Variants in ADAM32 observed in about 807,000 individuals in gnomAD.
ADAM32 encodes disintegrin and metalloproteinase domain-containing protein 32.
A neutral mutation model predicts 114.9 loss-of-function variants in ADAM32; 89 were observed. The ratio of observed to expected loss-of-function variants is 0.77; its 90% CI spans 0.65 to 0.92. The LOEUF is 0.92. Ranked by LOEUF, ADAM32 falls within the 40% of genes least tolerant of loss-of-function variation. ADAM32 has a pLI of 0.00. For missense variants in ADAM32, 870 were observed against 932.8 expected, an observed-to-expected ratio of 0.93 and a Z score of 0.88; for synonymous variants, 285 against 307.5, an observed-to-expected ratio of 0.93 and a Z score of 0.77.
chr8:39,276,167 AT>A (rs1346607604), intron 22 of ADAM32: 2 of 275,562 alleles, frequency 7.3e-6, no homozygotes, highest in Non-Finnish European at 1.3e-5. Context: ...ATCTTTTTGT[AT>A]TCTTTTTCTT....
chr8:39,226,407 G>T (rs570640169), intron 14 of ADAM32, among the ~76,000 whole-genome samples: 1 of 152,062 alleles, frequency 6.6e-6, no homozygotes, highest in East Asian at 1.9e-4. Flanking sequence ...CCTTCAGTCA[G>T]GTTTAATCCA....
intron 3 of ADAM32, among the ~76,000 whole-genome samples, chr8:39,141,121 T>G (rs1286535836): frequency 6.6e-6 from 1 of 152,208 alleles, no homozygotes; most frequent in African/African-American, 2.4e-5. Flanking sequence ...ATCAATTTTG[T>G]TGATCTTTTC....
intron 22 of ADAM32, 54 bp from the exon 23 acceptor site, chr8:39,281,082 A>G: frequency 2.0e-6 from 2 of 982,324 alleles, no homozygotes; most frequent in Non-Finnish European, 2.7e-6. Flanking sequence ...GCGCCTGGCC[A>G]ATTTATTTTT....
chr8:39,274,990 T>C (rs763380469), intron 21 of ADAM32, among the ~76,000 whole-genome samples: 1 of 152,224 alleles, frequency 6.6e-6, no homozygotes, highest in Non-Finnish European at 1.5e-5. Context: ...CTCCTGTTTC[T>C]CTGTGTGATG....
chr8:39,119,817 C>A (rs4236754), intron 2 of ADAM32, among the ~76,000 whole-genome samples: 72,992 of 151,898 alleles, frequency 0.48, 18,499 homozygotes, highest in South Asian at 0.56. Flanking sequence ...GAATCCCTAA[C>A]CCCTAATGTG....
chr8:39,136,047 TTTTTTCTCTG>T (rs1443442314), intron 2 of ADAM32, among the ~76,000 whole-genome samples: 2 of 152,222 alleles, frequency 1.3e-5, no homozygotes, highest in African/African-American at 4.8e-5. Context: ...TTTTAACTAA[TTTTTTCTCTG>T]TTTCTCTACC....
intron 17 of ADAM32, among the ~76,000 whole-genome samples, chr8:39,249,716 T>C (rs1342431411): frequency 6.6e-6 from 1 of 152,218 alleles, no homozygotes; most frequent in African/African-American, 2.4e-5. Context: ...CTAATACTAT[T>C]CTTTTTATGT....
intron 18 of ADAM32, among the ~76,000 whole-genome samples, chr8:39,254,901 T>A (rs1469352903): frequency 2.6e-5 from 4 of 151,804 alleles, no homozygotes; most frequent in African/African-American, 4.8e-5. Flanking sequence ...GTCCATTGTA[T>A]CATTCTTATG....
chr8:39,160,457 G>A (rs910581447), intron 6 of ADAM32, among the ~76,000 whole-genome samples: 1 of 150,254 alleles, frequency 6.7e-6, no homozygotes, highest in African/African-American at 2.5e-5. Flanking sequence ...GGAGAATGGC[G>A]TGAACCAAGG....
chr8:39,107,720 C>G, upstream of ADAM32: 1 of 1,549,782 alleles, frequency 6.5e-7, no homozygotes, highest in Non-Finnish European at 8.7e-7. Context: ...GTCCCCGCGT[C>G]CCTGGCAATT....
intron 10 of ADAM32, among the ~76,000 whole-genome samples, chr8:39,178,927 G>A (rs1364037968): frequency 6.6e-6 from 1 of 152,054 alleles, no homozygotes; most frequent in Admixed American, 6.6e-5. Flanking sequence ...ATCCCAGGAG[G>A]GCACTGACCT....
chr8:39,121,585 A>T (rs566312285), intron 2 of ADAM32, among the ~76,000 whole-genome samples: 1 of 152,326 alleles, frequency 6.6e-6, no homozygotes, highest in South Asian at 2.1e-4. Flanking sequence ...TGTACTCCAG[A>T]ACTTGAAGTA....
At chr8:39,230,890 T>A (rs1809694941) in intron 14 of ADAM32, among the ~76,000 whole-genome samples, 1 of 152,188 alleles carries the variant, frequency 6.6e-6, no homozygotes, top group Non-Finnish European at 1.5e-5. Flanking sequence ...GACATATATA[T>A]TATTATCTAC....
chr8:39,208,885 CTCT>C (rs1271989951), intron 11 of ADAM32, among the ~76,000 whole-genome samples: 3 of 152,112 alleles, frequency 2.0e-5, no homozygotes, highest in Admixed American at 1.3e-4. Context: ...TTTCGGTTGA[CTCT>C]TCTTGGTGAT....
chr8:39,193,732 G>A (rs1002922839), intron 11 of ADAM32, among the ~76,000 whole-genome samples: 1 of 152,066 alleles, frequency 6.6e-6, no homozygotes, highest in Non-Finnish European at 1.5e-5. Flanking sequence ...GGGTTCAGTC[G>A]ACTGGCTTTG....
Position 39,149,884 on chromosome 8 carries a change from G to A in ADAM32, c.353+17G>A. On this transcript the variant is annotated intron_variant, in intron 5 of 24. Coordinates refer to ENST00000379907, the MANE Select transcript of ADAM32 (RefSeq NM_145004.7). ...TGGACTAAGGTTGTTTTCTGTTGTT[G>A]ATTACAGAACACCTTAGTTATGATA... 6.3e-7 allele frequency: 1 copy of A among 1,582,324 alleles called. No homozygotes were observed. Among genetic ancestry groups the A allele is most frequent in the Non-Finnish European group, 8.7e-7 (1 of 1,154,778 alleles).
intron 23 of ADAM32, among the ~76,000 whole-genome samples, chr8:39,283,265 C>T (rs1487335807): frequency 6.6e-6 from 1 of 151,816 alleles, no homozygotes; most frequent in Non-Finnish European, 1.5e-5. Context: ...AAAAATTTGG[C>T]TGGGCATGTT....
At chr8:39,199,230 C>T (rs1018411067) in intron 11 of ADAM32, among the ~76,000 whole-genome samples, 2 of 152,132 alleles carry the variant, frequency 1.3e-5, no homozygotes, top group Admixed American at 1.3e-4. Context: ...TCTTTAGTTA[C>T]CTGTATCTTG....
At chr8:39,246,060 T>C (rs764296005) in intron 16 of ADAM32, 23 bp from the exon 17 acceptor site, 28 of 1,605,562 alleles carry the variant, frequency 1.7e-5, no homozygotes, top group Non-Finnish European at 8.5e-7. Flanking sequence ...ATGGGAACTT[T>C]TTTTGTATGT....
Sources: gnomAD v4.1 joint callset for allele counts (sites outside exome capture counted in the v4.1 genomes callset) on GRCh38, gnomAD v4.1.1 for gene constraint, MANE v1.5 for transcripts, NCBI Gene and HGNC (gene_info 2026-07-23, HGNC 2026-07-21) for gene names.